BTBD9: variants seen among roughly 807,000 people sequenced by gnomAD.
BTBD9 encodes BTB domain containing 9, also known as BTB/POZ domain-containing protein 9.
BTBD9 carries 49 observed loss-of-function variants against 64.3 expected under a neutral mutation model. That is an observed-to-expected ratio of 0.76 (90% CI 0.61 to 0.97). The LOEUF is 0.97. BTBD9 is among the 50% of genes least tolerant of loss of function. BTBD9 has a pLI of 0.00. For synonymous variants in BTBD9, 260 were observed against 274.7 expected (o/e 0.95, Z 0.53); for missense variants, 598 against 762.1 (o/e 0.78, Z 2.53).
At chr6:38,185,581 T>C (rs1317418323) in intron 10 of BTBD9, among the ~76,000 whole-genome samples, 2 of 152,188 alleles carry the variant, frequency 1.3e-5, no homozygotes, top group African/African-American at 4.8e-5. Flanking sequence ...TCAGCCTCGG[T>C]TGCCTCTAAA....
intron 9 of BTBD9, among the ~76,000 whole-genome samples, chr6:38,223,206 C>T (rs1271981579): frequency 6.6e-6 from 1 of 152,150 alleles, no homozygotes; most frequent in African/African-American, 2.4e-5. Flanking sequence ...TACGCCCGGC[C>T]TAGAGGAAGA....
At chr6:38,555,145 T>A (rs1055068931) in intron 6 of BTBD9, among the ~76,000 whole-genome samples, 1 of 152,252 alleles carries the variant, frequency 6.6e-6, no homozygotes, top group African/African-American at 2.4e-5. Flanking sequence ...GATTAGCTAC[T>A]CTTCTAGAAT....
chr6:38,321,722 A>G (rs758666069), intron 7 of BTBD9, among the ~76,000 whole-genome samples: 1 of 152,134 alleles, frequency 6.6e-6, no homozygotes, highest in Non-Finnish European at 1.5e-5. Context: ...ACTCCAAGTG[A>G]TAAGTTGCAC....
Position 38,394,091 on chromosome 6 carries a change from C to T in BTBD9, c.1155-48998G>A, listed in dbSNP as rs116341115. On this transcript the variant is annotated intron_variant, in intron 6 of 10. Transcript: ENST00000481247. ...CCAACCAGCAACTATTTACTGAGAA[C>T]CTATGATGTGTTGTCAAGTACTATG... Among the ~76,000 whole-genome samples the T allele has an allele frequency of 6.8e-3, 1,037 of 152,222 alleles. 10 individuals are homozygous for T. The highest frequency in any genetic ancestry group is 0.023 in the African/African-American group (967 of 41,530).
intron 9 of BTBD9, among the ~76,000 whole-genome samples, chr6:38,206,953 T>C (rs1200858486): frequency 6.6e-6 from 1 of 152,222 alleles, no homozygotes; most frequent in African/African-American, 2.4e-5. Context: ...TCTGACATAT[T>C]GCCAGAGGAA....
intron 7 of BTBD9, among the ~76,000 whole-genome samples, chr6:38,299,799 C>T (rs1003233047): frequency 4.6e-5 from 7 of 152,126 alleles, no homozygotes; most frequent in Admixed American, 2.0e-4. Context: ...TTCTCCCATT[C>T]TGTAGGTTGC....
At chr6:38,451,340 A>C (rs1183882957) in intron 6 of BTBD9, among the ~76,000 whole-genome samples, 1 of 152,198 alleles carries the variant, frequency 6.6e-6, no homozygotes, top group African/African-American at 2.4e-5. Flanking sequence ...AAGTTCTTTG[A>C]AGACAAGTGC....
At chr6:38,611,600 T>C (rs971212482) in intron 1 of BTBD9, among the ~76,000 whole-genome samples, 1 of 152,150 alleles carries the variant, frequency 6.6e-6, no homozygotes, top group African/African-American at 2.4e-5. Context: ...GGGCAGTGAC[T>C]AGGTCTTTCT....
chr6:38,414,196 T>C (rs1767563704), intron 6 of BTBD9, among the ~76,000 whole-genome samples: 1 of 152,246 alleles, frequency 6.6e-6, no homozygotes, highest in South Asian at 2.1e-4. Flanking sequence ...TGCTATTCAG[T>C]ACCTTGTGCT....
intron 6 of BTBD9, among the ~76,000 whole-genome samples, chr6:38,359,208 A>T (rs1468768621): frequency 6.6e-6 from 1 of 152,072 alleles, no homozygotes; most frequent in Non-Finnish European, 1.5e-5. Context: ...TCTCAGGCAA[A>T]CCAGGATAGT....
chr6:38,611,149 T>G (rs1228774225), intron 1 of BTBD9, among the ~76,000 whole-genome samples: 1 of 152,112 alleles, frequency 6.6e-6, no homozygotes, highest in Non-Finnish European at 1.5e-5. Flanking sequence ...TATATGTACA[T>G]GCATGGTATC....
intron 9 of BTBD9, among the ~76,000 whole-genome samples, chr6:38,240,107 C>T (rs555060911): frequency 1.8e-4 from 28 of 152,336 alleles, no homozygotes; most frequent in South Asian, 1.0e-3. Flanking sequence ...CTGAACTTCC[C>T]TCCAGCAGGC....
chr6:38,360,297 C>G (rs900599555), intron 6 of BTBD9, among the ~76,000 whole-genome samples: 3 of 151,906 alleles, frequency 2.0e-5, no homozygotes, highest in Non-Finnish European at 4.4e-5. Flanking sequence ...ACTAAGTGCT[C>G]AATAAATGGT....
At chr6:38,392,347 T>C (rs926176289) in intron 6 of BTBD9, among the ~76,000 whole-genome samples, 8 of 152,242 alleles carry the variant, frequency 5.3e-5, no homozygotes, top group Non-Finnish European at 7.4e-5. Flanking sequence ...AGAAAGAGAA[T>C]GGACTAGGAG....
chr6:38,228,351 C>CGCCAAA (rs566108714), intron 9 of BTBD9, among the ~76,000 whole-genome samples: 1 of 28,322 alleles, frequency 3.5e-5, no homozygotes, highest in Non-Finnish European at 6.6e-5. Flanking sequence ...TCCCCCCCCC[C>CGCCAAA]AAAAAAAAAA....
At chr6:38,475,013 T>C (rs190331481) in intron 6 of BTBD9, among the ~76,000 whole-genome samples, 12 of 152,234 alleles carry the variant, frequency 7.9e-5, no homozygotes, top group Admixed American at 5.9e-4. Context: ...CAAATTATGG[T>C]ACCTCTATAT....
chr6:38,483,651 ACTAT>A (rs1386246304), intron 6 of BTBD9, among the ~76,000 whole-genome samples: 2 of 152,096 alleles, frequency 1.3e-5, no homozygotes, highest in African/African-American at 4.8e-5. Context: ...CACCCTACAG[ACTAT>A]CTACCCACCA....
chr6:38,434,529 C>A (rs1444477717), intron 6 of BTBD9, among the ~76,000 whole-genome samples: 1 of 151,910 alleles, frequency 6.6e-6, no homozygotes, highest in Non-Finnish European at 1.5e-5. Context: ...TGTCTCCTGC[C>A]TCCCTAAAAT....
At chr6:38,440,442 T>C (rs1768975495) in intron 6 of BTBD9, among the ~76,000 whole-genome samples, 1 of 152,182 alleles carries the variant, frequency 6.6e-6, no homozygotes, top group African/African-American at 2.4e-5. Flanking sequence ...CGGAAGAGAC[T>C]ACTGGGCTCA....
Sources: gnomAD v4.1 joint callset for allele counts (sites outside exome capture counted in the v4.1 genomes callset) on GRCh38, gnomAD v4.1.1 for gene constraint, MANE v1.5 for transcripts, NCBI Gene and HGNC (gene_info 2026-07-23, HGNC 2026-07-21) for gene names.